Variants in FOXP4 observed in about 807,000 individuals in gnomAD.
FOXP4 encodes the protein forkhead box protein P4.
In FOXP4, 25 loss-of-function variants were observed where a neutral mutation model predicts 82.6. The ratio of observed to expected loss-of-function variants is 0.30; its 90% CI spans 0.22 to 0.42. FOXP4 has a LOEUF of 0.42. Among genes scored for constraint, FOXP4 ranks in the 10% least tolerant of loss-of-function variants. FOXP4 has a pLI of 1.00. For missense variants in FOXP4, 785 were observed against 900.9 expected (o/e 0.87, Z 1.65); for synonymous variants, 415 against 388.2 (o/e 1.07, Z -0.81).
chr6:41,583,270 A>T (rs1052182266), intron 3 of FOXP4, among the ~76,000 whole-genome samples: 2 of 152,166 alleles, frequency 1.3e-5, no homozygotes, highest in Non-Finnish European at 2.9e-5. Context: ...CCTTGGATTC[A>T]CTGTACCTCC....
chr6:41,553,555 G>A (rs1018248194), intron 1 of FOXP4, among the ~76,000 whole-genome samples: 10 of 152,196 alleles, frequency 6.6e-5, no homozygotes, highest in African/African-American at 2.2e-4. Flanking sequence ...CCTTTCAGAG[G>A]TGGGGGCAGG....
At chr6:41,567,552 T>G (rs1203410882) in intron 2 of FOXP4, among the ~76,000 whole-genome samples, 1 of 152,130 alleles carries the variant, frequency 6.6e-6, no homozygotes, top group Non-Finnish European at 1.5e-5. Context: ...GGCCACCCAT[T>G]TTATATGGCC....
chr6:41,557,891 G>A (rs541937911), intron 1 of FOXP4, among the ~76,000 whole-genome samples: 33 of 152,094 alleles, frequency 2.2e-4, no homozygotes, highest in African/African-American at 7.2e-4. Flanking sequence ...AGCACAGGAC[G>A]GCAGATTCAC....
chr6:41,573,378 CA>C (rs1765305164), intron 2 of FOXP4, among the ~76,000 whole-genome samples: 1 of 152,180 alleles, frequency 6.6e-6, no homozygotes, highest in Non-Finnish European at 1.5e-5. Flanking sequence ...CTCAAAGCTA[CA>C]GCTTCATTCT....
intron 16 of FOXP4, among the ~76,000 whole-genome samples, 173 bp downstream of exon 16, chr6:41,598,123 C>G (rs1157046803): frequency 2.6e-5 from 4 of 151,414 alleles, no homozygotes; most frequent in Admixed American, 2.6e-4. Flanking sequence ...CTTGTCCCAC[C>G]TGCCTGTTCT....
chr6:41,560,357 C>G (rs562442147), intron 1 of FOXP4, among the ~76,000 whole-genome samples: 1 of 152,358 alleles, frequency 6.6e-6, no homozygotes, highest in East Asian at 1.9e-4. Flanking sequence ...GTCAGGCTGT[C>G]AGCTGGGCCA....
chr6:41,587,900 A>G lies in FOXP4; in HGVS notation c.977+3A>G. ...GAAGACCTGGGCCAGTTTATCAAGTAGGTGTCACCCCCAGCCCCTCCCCCA... is the reference window on the plus strand; with the variant it reads ...GAAGACCTGGGCCAGTTTATCAAGTGGGTGTCACCCCCAGCCCCTCCCCCA... On this transcript the variant is annotated splice_donor_region_variant and intron_variant, in intron 8 of 16. Coordinates refer to ENST00000307972, the MANE Select transcript of FOXP4 (RefSeq NM_001012426.2). The G allele has an allele frequency of 6.5e-7, 1 of 1,533,310 alleles. No individual in the cohort carries two copies. 95.0% of individuals were successfully genotyped at this position (1,533,310 alleles called of 1,614,324 possible). A position where few individuals can be genotyped will look rare whatever the true frequency, so the allele number is the denominator to read the frequency against.
chr6:41,564,261 C>T (rs1219291806), intron 1 of FOXP4, among the ~76,000 whole-genome samples: 1 of 152,132 alleles, frequency 6.6e-6, no homozygotes, highest in African/African-American at 2.4e-5. Flanking sequence ...CGAGACCAGC[C>T]TGGCTAACAT....
At chr6:41,578,179 T>A in intron 3 of FOXP4, 98 bp downstream of exon 3, 2 of 1,002,548 alleles carry the variant, frequency 2.0e-6, no homozygotes, top group South Asian at 3.1e-5. Flanking sequence ...CTCTTGCCAG[T>A]TCCAACACCA....
rs368009509 is a variant in FOXP4, at chr6:41,590,367, G to A, written c.1434+20G>A. 36 of 1,612,294 alleles carry A rather than the reference G, an allele frequency of 2.2e-5. 1 individual carries two copies. In the African/African-American group the frequency reaches 4.3e-4, roughly 19 times the overall value. ...CGCCAGGTGAGCAGGGCAGGTAGGA[G>A]GAGGGTGGGGAATGGCACACAGGCT... On this transcript the variant is annotated intron_variant, in intron 12 of 16. Coordinates refer to ENST00000307972, the MANE Select transcript of FOXP4 (RefSeq NM_001012426.2).
intron 2 of FOXP4, among the ~76,000 whole-genome samples, chr6:41,571,635 C>T (rs1314860221): frequency 1.3e-5 from 2 of 152,152 alleles, no homozygotes; most frequent in Admixed American, 6.5e-5. Flanking sequence ...GTCATTTTTA[C>T]GAGGTTGGTG....
chr6:41,582,209 T>C (rs1765839308), intron 3 of FOXP4, among the ~76,000 whole-genome samples: 1 of 152,226 alleles, frequency 6.6e-6, no homozygotes, highest in South Asian at 2.1e-4. Flanking sequence ...CCCTTCCGGG[T>C]CAGGGTCAGG....
At chr6:41,583,750 G>A (rs987781031) in intron 3 of FOXP4, among the ~76,000 whole-genome samples, 1 of 152,200 alleles carries the variant, frequency 6.6e-6, no homozygotes. Flanking sequence ...GCTGAGACCT[G>A]CCTGTCCATG....
chr6:41,565,986 G>A (rs762847668), intron 2 of FOXP4, 22 bp downstream of exon 2: 2 of 1,600,018 alleles, frequency 1.2e-6, no homozygotes, highest in South Asian at 2.2e-5. Context: ...TGCGCCTTGG[G>A]GTATCTGGGA....
At chr6:41,595,666 G>T (rs563350106) in intron 14 of FOXP4, among the ~76,000 whole-genome samples, 3 of 151,992 alleles carry the variant, frequency 2.0e-5, no homozygotes, top group Non-Finnish European at 4.4e-5. Context: ...GCAATGGCAC[G>T]ATCTCAGCTC....
intron 3 of FOXP4, among the ~76,000 whole-genome samples, chr6:41,579,484 A>G (rs559999567): frequency 1.3e-5 from 2 of 152,302 alleles, no homozygotes; most frequent in African/African-American, 4.8e-5. Context: ...GGACAACAGC[A>G]AACGTTCCCC....
At position 41,599,226 on chromosome 6, in the gene FOXP4, G is replaced by C; in HGVS notation, c.*290G>C. 2 of 257,964 alleles carry C rather than the reference G, an allele frequency of 7.8e-6. No homozygotes were observed. Among genetic ancestry groups the C allele is most frequent in the Non-Finnish European group, 1.5e-5 (2 of 135,090 alleles). The allele number at this position is 257,964 out of a possible 1,614,324, so 16.0% of individuals were successfully genotyped here. A position where few individuals can be genotyped will look rare whatever the true frequency, so the allele number is the denominator to read the frequency against. On this transcript the variant is annotated 3_prime_UTR_variant, in exon 17 of 17. Coordinates refer to ENST00000307972, the MANE Select transcript of FOXP4 (RefSeq NM_001012426.2). ...TGAAACTGCCTCCCCCCAACCACCA[G>C]CAGCAGCAGGGCCCTCCTCCCCCAC...
At chr6:41,565,718 T>A in intron 1 of FOXP4, 27 bp from the exon 2 acceptor site, 1 of 1,551,858 alleles carries the variant, frequency 6.4e-7, no homozygotes, top group Non-Finnish European at 8.8e-7. Context: ...CCTCAGCCTC[T>A]CCCCTGTGTC....
chr6:41,582,171 A>C (rs1239556213), intron 3 of FOXP4, among the ~76,000 whole-genome samples: 1 of 152,232 alleles, frequency 6.6e-6, no homozygotes, highest in African/African-American at 2.4e-5. Flanking sequence ...AATGGCGTAC[A>C]AGTCACTTTC....
Sources: allele counts gnomAD v4.1 joint callset (sites outside exome capture counted in the v4.1 genomes callset), GRCh38; gene constraint gnomAD v4.1.1; transcripts MANE v1.5; gene names NCBI Gene and HGNC (gene_info 2026-07-23, HGNC 2026-07-21).